The following TMEM132D variants were observed in gnomAD, a reference collection of about 807,000 sequenced individuals.
TMEM132D encodes transmembrane protein 132D.
In TMEM132D, 21 loss-of-function variants were observed where a neutral mutation model predicts 62.3. The ratio of observed to expected loss-of-function variants is 0.34; its 90% CI spans 0.24 to 0.49. TMEM132D has a LOEUF of 0.49. TMEM132D is among the 20% of genes least tolerant of loss of function. The pLI is 0.99. For missense variants in TMEM132D, 1,346 were observed against 1,402.8 expected, an observed-to-expected ratio of 0.96 and a Z score of 0.65; for synonymous variants, 621 against 575.6, an observed-to-expected ratio of 1.08 and a Z score of -1.13.
intron 4 of TMEM132D, among the ~76,000 whole-genome samples, chr12:129,311,780 C>A (rs1008764657): frequency 2.0e-5 from 3 of 152,076 alleles, no homozygotes; most frequent in African/African-American, 7.2e-5. Context: ...AAGGCACAGG[C>A]CACCACTGAT....
chr12:129,202,337 G>T (rs1198058645), intron 5 of TMEM132D, among the ~76,000 whole-genome samples: 2 of 152,164 alleles, frequency 1.3e-5, no homozygotes, highest in African/African-American at 4.8e-5. Context: ...CACATCACAC[G>T]TACCAGGTGA....
intron 3 of TMEM132D, among the ~76,000 whole-genome samples, chr12:129,439,731 C>T (rs34859558): frequency 0.14 from 21,991 of 152,124 alleles, 1,786 homozygotes; most frequent in South Asian, 0.27. Context: ...TTACTACAGG[C>T]GTGAGCCACT....
intron 1 of TMEM132D, among the ~76,000 whole-genome samples, chr12:129,878,961 G>C (rs58183592): frequency 0.082 from 12,432 of 152,192 alleles, 525 homozygotes; most frequent in Middle Eastern, 0.16. Flanking sequence ...CTCCAGCCTA[G>C]AGAGGGCAGC....
At chr12:129,309,766 C>T (rs1421895889) in intron 4 of TMEM132D, among the ~76,000 whole-genome samples, 1 of 151,940 alleles carries the variant, frequency 6.6e-6, no homozygotes, top group East Asian at 1.9e-4. Flanking sequence ...TGGTGCGTTT[C>T]AAACTCATTG....
chr12:129,408,307 T>C (rs1871856375), intron 3 of TMEM132D, among the ~76,000 whole-genome samples: 1 of 152,258 alleles, frequency 6.6e-6, no homozygotes, highest in African/African-American at 2.4e-5. Flanking sequence ...TAGAATTATT[T>C]TGTTATTTTT....
At chr12:129,374,558 G>T (rs948971569) in intron 3 of TMEM132D, among the ~76,000 whole-genome samples, 1 of 152,078 alleles carries the variant, frequency 6.6e-6, no homozygotes, top group Non-Finnish European at 1.5e-5. Context: ...GGAGCTGAAG[G>T]GAGCAGGTGG....
At chr12:129,587,814 T>C (rs1050118407) in intron 2 of TMEM132D, among the ~76,000 whole-genome samples, 2 of 152,198 alleles carry the variant, frequency 1.3e-5, no homozygotes, top group Admixed American at 1.3e-4. Flanking sequence ...ATCAGGATGC[T>C]GGCCAGGGGG....
intron 1 of TMEM132D, among the ~76,000 whole-genome samples, chr12:129,865,478 G>A (rs1306840167): frequency 3.3e-5 from 5 of 152,128 alleles, no homozygotes; most frequent in African/African-American, 7.2e-5. Context: ...AGCTCATCAC[G>A]GAGCCTGCAA....
rs1385113574 is a variant in TMEM132D at position 129,073,443 on chromosome 12, T to A, written c.*432A>T. ...GCTCCAGTTTCGATGACACGCTTCCTCCCATTGATCCATGGATGCGATCCA... is the reference window on the plus strand; with the variant it reads ...GCTCCAGTTTCGATGACACGCTTCCACCCATTGATCCATGGATGCGATCCA... On this transcript the variant is annotated 3_prime_UTR_variant, in exon 9 of 9. Coordinates refer to ENST00000422113, the MANE Select transcript of TMEM132D (RefSeq NM_133448.3). 6.4e-6 allele frequency: 1 copy of A among 155,988 alleles called. No homozygotes were observed. Among genetic ancestry groups the A allele is most frequent in the Non-Finnish European group, 1.4e-5 (1 of 70,534 alleles). The allele number at this position is 155,988 out of a possible 1,614,324, so 9.7% of individuals were successfully genotyped here. A position where few individuals can be genotyped will look rare whatever the true frequency, so the allele number is the denominator to read the frequency against.
chr12:129,747,631 C>A (rs1359810205), intron 1 of TMEM132D, among the ~76,000 whole-genome samples: 1 of 150,800 alleles, frequency 6.6e-6, no homozygotes, highest in Non-Finnish European at 1.5e-5. Context: ...CACAGACACA[C>A]ACAGTCAGAT....
rs537779024 is a variant in TMEM132D at position 129,272,890 on chromosome 12, A to T, written c.1300-63227T>A. Among the ~76,000 whole-genome samples, 173 of 151,728 alleles carry T rather than the reference A, an allele frequency of 1.1e-3. 5 individuals are homozygous for T. The highest frequency in any genetic ancestry group is 4.0e-3 in the African/African-American group (164 of 41,130). Reference sequence around the variant, plus strand: ...AGCCAGGCCAACGTGATGAAACCCCATCTCTACTAAAACTACAAAAATTAG... The same window carrying T: ...AGCCAGGCCAACGTGATGAAACCCCTTCTCTACTAAAACTACAAAAATTAG... On this transcript the variant is annotated intron_variant, in intron 4 of 8. Coordinates refer to ENST00000422113, the MANE Select transcript of TMEM132D (RefSeq NM_133448.3).
At chr12:129,807,837 C>T (rs1283195917) in intron 1 of TMEM132D, among the ~76,000 whole-genome samples, 2 of 152,190 alleles carry the variant, frequency 1.3e-5, no homozygotes, top group East Asian at 1.9e-4. Flanking sequence ...CATTTCTACT[C>T]CTCTTAAAGC....
intron 4 of TMEM132D, among the ~76,000 whole-genome samples, chr12:129,301,802 G>C (rs544595835): frequency 6.6e-6 from 1 of 152,058 alleles, no homozygotes; most frequent in Non-Finnish European, 1.5e-5. Flanking sequence ...TAAATGAAAC[G>C]CCCAACACCA....
At chr12:129,098,475 C>CT (rs1265344736) in intron 5 of TMEM132D, among the ~76,000 whole-genome samples, 1 of 152,108 alleles carries the variant, frequency 6.6e-6, no homozygotes, top group East Asian at 1.9e-4. Context: ...GCACAGATGC[C>CT]TTTTTTTCTA....
intron 4 of TMEM132D, among the ~76,000 whole-genome samples, chr12:129,308,900 T>G (rs1364974848): frequency 6.6e-6 from 1 of 152,232 alleles, no homozygotes; most frequent in African/African-American, 2.4e-5. Context: ...CTTACCATTT[T>G]GGATGTTAAA....
At chr12:129,847,846 G>A (rs1873412665) in intron 1 of TMEM132D, among the ~76,000 whole-genome samples, 2 of 152,018 alleles carry the variant, frequency 1.3e-5, no homozygotes, top group Non-Finnish European at 2.9e-5. Flanking sequence ...ACGCAGTGCG[G>A]AACCCCAAGG....
intron 2 of TMEM132D, among the ~76,000 whole-genome samples, chr12:129,610,955 G>A (rs968056873): frequency 2.0e-5 from 3 of 152,108 alleles, no homozygotes; most frequent in Admixed American, 6.5e-5. Context: ...AGAGGGAAGC[G>A]TGCATTCACC....
chr12:129,877,701 G>C (rs540581267), intron 1 of TMEM132D, among the ~76,000 whole-genome samples: 1 of 152,102 alleles, frequency 6.6e-6, no homozygotes, highest in South Asian at 2.1e-4. Context: ...AGAGCTCTTA[G>C]GCAGTGATGA....
intron 5 of TMEM132D, among the ~76,000 whole-genome samples, chr12:129,175,864 C>A (rs141686928): frequency 1.3e-4 from 20 of 152,278 alleles, no homozygotes; most frequent in African/African-American, 4.6e-4. Flanking sequence ...TGTCCAAAAT[C>A]CTTCTAGGTT....
Sources: gnomAD v4.1 joint callset for allele counts (sites outside exome capture counted in the v4.1 genomes callset) on GRCh38, gnomAD v4.1.1 for gene constraint, MANE v1.5 for transcripts, NCBI Gene and HGNC (gene_info 2026-07-23, HGNC 2026-07-21) for gene names.